Variants in RABEP1 observed in about 807,000 individuals in gnomAD.
RABEP1 encodes the protein rabaptin, RAB GTPase binding effector protein 1.
In RABEP1, 51 loss-of-function variants were observed where a neutral mutation model predicts 123.4. The observed-to-expected ratio is 0.41, with a 90% CI of 0.33 to 0.52. The LOEUF (loss-of-function observed/expected upper bound fraction) is 0.52, where lower values mean the gene tolerates loss of function less well. Among genes scored for constraint, RABEP1 ranks in the 20% least tolerant of loss-of-function variants. The pLI is 0.16. For synonymous variants in RABEP1, 347 were observed against 355.2 expected (o/e 0.98, Z 0.26); for missense variants, 888 against 996.3 (o/e 0.89, Z 1.46).
chr17:5,359,321 G>T (rs565817213), intron 8 of RABEP1, among the ~76,000 whole-genome samples: 18 of 152,064 alleles, frequency 1.2e-4, no homozygotes, highest in African/African-American at 4.1e-4. Flanking sequence ...TGATCTGCCC[G>T]CCTCGGCCTC....
rs1433305664 is a variant in RABEP1 at position 5,373,749 on chromosome 17, AC to A, written c.2025+296del. ...ACACACACACACACGAAAAAGTAAC[AC>A]TTCGCCCTTTAGCTACCATCCTTAT... On this transcript the variant is annotated intron_variant, in intron 13 of 17. Transcript: ENST00000537505. Among the ~76,000 whole-genome samples the A allele has an allele frequency of 2.1e-5, 3 of 146,268 alleles. No individual in the cohort carries two copies. The East Asian group carries it at 6.1e-4, about 30-fold the overall frequency.
chr17:5,373,900 T>C (rs1175925852), intron 13 of RABEP1, among the ~76,000 whole-genome samples: 2 of 152,198 alleles, frequency 1.3e-5, no homozygotes, highest in African/African-American at 4.8e-5. Flanking sequence ...TTCTTTCACG[T>C]AGCCTTAATG....
chr17:5,314,400 G>A (rs187581985), intron 2 of RABEP1, among the ~76,000 whole-genome samples: 4 of 150,786 alleles, frequency 2.7e-5, no homozygotes, highest in Admixed American at 6.6e-5. Context: ...GTGCCACCAC[G>A]CCCAGCTAGT....
rs1911439719 is a variant in RABEP1 at position 5,381,401 on chromosome 17, C to A, written c.2383C>A (p.Gln795Lys). Residue 795 changes from glutamine to lysine, a missense_variant, in exon 17 of 18, where the codon CAA (glutamine) becomes AAA (lysine). Coordinates refer to ENST00000537505, the MANE Select transcript of RABEP1 (RefSeq NM_004703.6). Reference sequence around the variant, plus strand: ...TTGTATTTTTTAGGCTACCGTTGAACAACTAATGTTTGAAGAGAAGAATAA... The same window carrying A: ...TTGTATTTTTTAGGCTACCGTTGAAAAACTAATGTTTGAAGAGAAGAATAA... The part of the protein sequence containing the change: ...KETAAKATVE[Q>K]LMFEEKNKAQ... The A allele has an allele frequency of 1.9e-6, 3 of 1,612,382 alleles. No individual in the cohort carries two copies. In the East Asian group the frequency reaches 6.7e-5, roughly 36 times the overall value.
chr17:5,313,027 T>C (rs1157374521), intron 2 of RABEP1, among the ~76,000 whole-genome samples: 2 of 152,154 alleles, frequency 1.3e-5, no homozygotes, highest in Non-Finnish European at 2.9e-5. Flanking sequence ...GGAGAATTGC[T>C]TGAACCCAGG....
chr17:5,304,538 C>T (rs1042250464), intron 1 of RABEP1, among the ~76,000 whole-genome samples: 5 of 151,534 alleles, frequency 3.3e-5, no homozygotes, highest in South Asian at 2.1e-4. Context: ...GCCAAGATTG[C>T]GCCACTGCAC....
At position 5,282,497 on chromosome 17, in the gene RABEP1, C is replaced by G; in HGVS notation, c.11C>G (p.Pro4Arg). The G allele has an allele frequency of 7.8e-7, 1 of 1,286,198 alleles. No individual in the cohort carries two copies. Among genetic ancestry groups the G allele is most frequent in the African/African-American group, 1.5e-5 (1 of 64,940 alleles). 79.7% of individuals were successfully genotyped at this position (1,286,198 alleles called of 1,614,324 possible). MAQ[P>R]GPASQPDVSL... ...GCCGGCCGCCTGGTCATGGCGCAGC[C>G]GGGCCCGGCTTCCCAGCCTGACGGT... is the stretch of plus-strand genomic sequence containing the variant. Residue 4 changes from proline to arginine, a missense_variant, in exon 1 of 18, where the codon CCG becomes CGG. By Grantham distance (103) the Pro-to-Arg change is moderately radical. Transcript: ENST00000537505.
At chr17:5,373,639 G>C (rs2523156) in intron 13 of RABEP1, among the ~76,000 whole-genome samples, 185 bp downstream of exon 13, 100,020 of 148,924 alleles carry the variant, frequency 0.67, 34,756 homozygotes, top group East Asian at 0.97. Context: ...ATCAATTTTA[G>C]AACATTTTCA....
In RABEP1 at chr17:5,381,503, C is replaced by A; in HGVS notation, c.2485C>A (p.Gln829Lys). 1 of 1,612,406 alleles carries A rather than the reference C, an allele frequency of 6.2e-7. No homozygotes were observed. Among genetic ancestry groups the A allele is most frequent in the South Asian group, 1.1e-5 (1 of 90,694 alleles). ...TTTTGTAAAGCTTTCACAGACCCTT[C>A]AGGTGAGGCATTTGGGGAACCACAT... The part of the protein sequence containing the change: ...RDFVKLSQTL[Q>K]VQLERIRQAD... Residue 829 changes from glutamine (Q) to lysine (K), a missense_variant and splice_region_variant, in exon 17 of 18, where the codon CAG becomes AAG. Physicochemically the swap from Gln to Lys is moderately conservative, Grantham distance 53. Coordinates refer to ENST00000537505, the MANE Select transcript of RABEP1 (RefSeq NM_004703.6).
At position 5,361,646 on chromosome 17, in the gene RABEP1, G is replaced by C; in HGVS notation, c.1534G>C (p.Glu512Gln). 1 of 1,608,870 alleles carries C rather than the reference G, an allele frequency of 6.2e-7. No homozygotes were observed. The highest frequency in any genetic ancestry group is 8.5e-7 in the Non-Finnish European group (1 of 1,178,190). Reference protein sequence around the residue: ...VSPSGYRLVSETEWNLLQKEV... With the variant: ...VSPSGYRLVSQTEWNLLQKEV... ...CCCTAGTGGTTATCGTTTAGTTAGT[G>C]AAACAGAATGGAATCTCTTGCAGAA... The change falls in exon 9 of 18, where the codon GAA becomes CAA. Residue 512 changes from glutamate to glutamine, a missense_variant. By Grantham distance (29) the Glu-to-Gln change is conservative. Transcript: ENST00000537505.
intron 1 of RABEP1, among the ~76,000 whole-genome samples, chr17:5,292,337 T>G (rs1290633716): frequency 1.3e-5 from 2 of 152,184 alleles, no homozygotes; most frequent in Admixed American, 1.3e-4. Flanking sequence ...GGCCATTTTT[T>G]TGTGTGCATT....
intron 1 of RABEP1, among the ~76,000 whole-genome samples, chr17:5,294,033 A>G (rs2075057410): frequency 6.6e-6 from 1 of 152,232 alleles, no homozygotes; most frequent in South Asian, 2.1e-4. Flanking sequence ...AAATGCAAAA[A>G]AAGTGTAAAG....
chr17:5,290,479 A>C (rs1261972324), intron 1 of RABEP1, among the ~76,000 whole-genome samples: 1 of 152,208 alleles, frequency 6.6e-6, no homozygotes, highest in Non-Finnish European at 1.5e-5. Flanking sequence ...CTTGTTTAAA[A>C]AAAGGACTTA....
At chr17:5,342,037 C>T (rs1907660744) in intron 5 of RABEP1, among the ~76,000 whole-genome samples, 2 of 152,162 alleles carry the variant, frequency 1.3e-5, no homozygotes, top group South Asian at 2.1e-4. Flanking sequence ...GAGACTGATT[C>T]AATTGTCTGT....
intron 1 of RABEP1, among the ~76,000 whole-genome samples, chr17:5,299,719 C>CT (rs146585957): frequency 0.037 from 3,660 of 97,878 alleles, 444 homozygotes; most frequent in East Asian, 0.064. Flanking sequence ...TTTTTCTTTT[C>CT]TTTTTCTTTT....
intron 8 of RABEP1, among the ~76,000 whole-genome samples, chr17:5,359,418 G>C (rs2144670162): frequency 6.6e-6 from 1 of 152,190 alleles, no homozygotes; most frequent in South Asian, 2.1e-4. Context: ...TCTATCCCTA[G>C]CCCCTTCCCT....
chr17:5,304,573 ACT>A (rs1456152124), intron 1 of RABEP1, among the ~76,000 whole-genome samples: 3 of 151,462 alleles, frequency 2.0e-5, no homozygotes, highest in Non-Finnish European at 4.4e-5. Context: ...CAAAGCAACA[ACT>A]CTGTCTCAAG....
intron 12 of RABEP1, among the ~76,000 whole-genome samples, chr17:5,370,798 A>G (rs1243735143): frequency 6.6e-6 from 1 of 152,194 alleles, no homozygotes. Context: ...TATCAATATT[A>G]CTACCAACAG....
At position 5,383,743 on chromosome 17, in the gene RABEP1, G is replaced by A. The variant is rs200445829; in HGVS notation, c.*520G>A. On this transcript the variant is annotated 3_prime_UTR_variant, in exon 18 of 18. Transcript: ENST00000537505. Reference sequence around the variant, plus strand: ...GGCCATTGGCTACTGACTGTATTTTGTTTTCCTTTTACCATTTTATCTTAT... The same window carrying A: ...GGCCATTGGCTACTGACTGTATTTTATTTTCCTTTTACCATTTTATCTTAT... 1 of 105,654 alleles carries A rather than the reference G, an allele frequency of 9.5e-6. No homozygotes were observed. Among genetic ancestry groups the A allele is most frequent in the Non-Finnish European group, 1.5e-5 (1 of 66,972 alleles). 6.5% of individuals were successfully genotyped at this position (105,654 alleles called of 1,614,324 possible). A position where few individuals can be genotyped will look rare whatever the true frequency, so the allele number is the denominator to read the frequency against.
Sources: gnomAD v4.1 joint callset for allele counts (sites outside exome capture counted in the v4.1 genomes callset) on GRCh38, gnomAD v4.1.1 for gene constraint, MANE v1.5 for transcripts, NCBI Gene and HGNC (gene_info 2026-07-23, HGNC 2026-07-21) for gene names.